RUVBL1: variants seen among roughly 807,000 people sequenced by gnomAD.
RUVBL1 encodes ruvB-like 1.
Under a neutral mutation model 52.4 loss-of-function variants are expected in RUVBL1, and 4 were observed. The observed-to-expected ratio is 0.08, with a 90% CI of 0.04 to 0.17. RUVBL1 has a LOEUF of 0.17. RUVBL1 is among the 10% of genes least tolerant of loss of function. RUVBL1 has a pLI of 1.00. For missense variants in RUVBL1, 298 were observed against 572.8 expected, an observed-to-expected ratio of 0.52 and a Z score of 4.90; for synonymous variants, 217 against 214.4, an observed-to-expected ratio of 1.01 and a Z score of -0.10.
At chr3:128,096,693 G>A (rs1942980820) in intron 8 of RUVBL1, among the ~76,000 whole-genome samples, 1 of 152,160 alleles carries the variant, frequency 6.6e-6, no homozygotes, top group Non-Finnish European at 1.5e-5. Flanking sequence ...CAGGCGTGGT[G>A]GTGGGCAACT....
Position 128,067,151 on chromosome 3 carries a change from G to T in RUVBL1, c.940-1931C>A. ...TGGTCAGCCTGCTGGGCACCTGGTC[G>T]GTAAGTAGGCTCTTTGAAGATGAGC... On this transcript the variant is annotated intron_variant, in intron 9 of 9. Transcript: ENST00000464873. The surrounding 1 kb of genome is among the most constrained non-coding windows in gnomAD (Gnocchi z 4.1). The T allele has an allele frequency of 1.2e-6, 2 of 1,614,018 alleles. No individual in the cohort carries two copies. The highest frequency in any genetic ancestry group is 1.7e-6 in the Non-Finnish European group (2 of 1,179,916).
At chr3:128,074,868 TA>T (rs955898803) in intron 9 of RUVBL1, among the ~76,000 whole-genome samples, 2 of 123,010 alleles carry the variant, frequency 1.6e-5, no homozygotes, top group African/African-American at 6.2e-5. Flanking sequence ...AAAAAAAACT[TA>T]AAAAACCATA....
chr3:128,133,416 TG>T (rs1028990792), intron 1 of RUVBL1, among the ~76,000 whole-genome samples: 4 of 152,246 alleles, frequency 2.6e-5, no homozygotes, highest in African/African-American at 4.8e-5. Context: ...AGCCAGGCAG[TG>T]GTCACCATGG....
chr3:128,077,135 G>A (rs1167082160), downstream of RUVBL1, among the ~76,000 whole-genome samples: 2 of 151,926 alleles, frequency 1.3e-5, no homozygotes, highest in South Asian at 4.1e-4. Context: ...ATCCGTCGCC[G>A]AGACGCGCGC....
chr3:128,119,737 A>G (rs1943601437), intron 1 of RUVBL1, among the ~76,000 whole-genome samples: 1 of 152,208 alleles, frequency 6.6e-6, no homozygotes, highest in Non-Finnish European at 1.5e-5. Context: ...ATGACATTTA[A>G]TTTGATATGT....
At chr3:128,142,459 G>A (rs888921710) in intron 1 of RUVBL1, among the ~76,000 whole-genome samples, 4 of 152,162 alleles carry the variant, frequency 2.6e-5, no homozygotes, top group Non-Finnish European at 4.4e-5. Flanking sequence ...CAATAAATAC[G>A]AACATAGATT....
At position 128,097,286 on chromosome 3, in the gene RUVBL1, G is replaced by A; in HGVS notation, c.1016+14C>T. The A allele has an allele frequency of 6.2e-7, 1 of 1,611,916 alleles. No homozygotes were observed. The highest frequency in any genetic ancestry group is 1.1e-5 in the South Asian group (1 of 90,898). On this transcript the variant is annotated intron_variant, in intron 8 of 10. Transcript: ENST00000322623. ...AGTTAAAAAAGCCTTGTGGCTGGCA[G>A]GCAGCCATCCTACCTGATGACACAG...
intron 3 of RUVBL1, among the ~76,000 whole-genome samples, chr3:128,107,292 C>G (rs886311579): frequency 6.6e-6 from 1 of 152,186 alleles, no homozygotes; most frequent in Non-Finnish European, 1.5e-5. Flanking sequence ...AATATTCCCC[C>G]CATGATTCCA....
upstream of RUVBL1, among the ~76,000 whole-genome samples, chr3:128,126,407 G>A (rs564348482): frequency 1.6e-4 from 24 of 152,264 alleles, no homozygotes; most frequent in African/African-American, 2.9e-4. Context: ...TTACCTGGGC[G>A]TGATGGCAGG....
chr3:128,104,533 T>G (rs1339542265), intron 4 of RUVBL1, among the ~76,000 whole-genome samples: 2 of 152,352 alleles, frequency 1.3e-5, no homozygotes, highest in Admixed American at 6.5e-5. Context: ...GCTCACATTT[T>G]AACATGCAGA....
intron 1 of RUVBL1, among the ~76,000 whole-genome samples, chr3:128,140,356 T>C (rs1027993110): frequency 7.1e-6 from 1 of 141,592 alleles, no homozygotes; most frequent in African/African-American, 2.7e-5. Context: ...GTGGGGCTGC[T>C]GGCTTTTAGA....
At chr3:128,125,883 G>A (rs1943782035), upstream of RUVBL1, among the ~76,000 whole-genome samples, 1 of 152,240 alleles carries the variant, frequency 6.6e-6, no homozygotes, top group Non-Finnish European at 1.5e-5. Flanking sequence ...AGTAGTCAAA[G>A]TGAGGCATTC....
At chr3:128,087,003 G>A (rs1942662400) in intron 9 of RUVBL1, among the ~76,000 whole-genome samples, 1 of 152,262 alleles carries the variant, frequency 6.6e-6, no homozygotes, top group Non-Finnish European at 1.5e-5. Context: ...TATATGATCA[G>A]TTTCACAAAC....
downstream of RUVBL1, among the ~76,000 whole-genome samples, chr3:128,080,230 T>A (rs1038200461): frequency 1.3e-5 from 2 of 152,220 alleles, no homozygotes; most frequent in Non-Finnish European, 2.9e-5. Flanking sequence ...CTGGCTCAAT[T>A]TGAGCAACAA....
chr3:128,088,129 G>A (rs1160775677), intron 8 of RUVBL1, among the ~76,000 whole-genome samples: 3 of 151,968 alleles, frequency 2.0e-5, no homozygotes, highest in African/African-American at 7.3e-5. Flanking sequence ...GGGCATGGTG[G>A]TGCACACCTG....
At chr3:128,130,177 G>A (rs1181161102) in intron 1 of RUVBL1, among the ~76,000 whole-genome samples, 1 of 151,830 alleles carries the variant, frequency 6.6e-6, no homozygotes, top group African/African-American at 2.4e-5. Flanking sequence ...CAAGAGAGAA[G>A]ACTAATGATA....
At chr3:128,130,902 G>A (rs1325525687) in intron 1 of RUVBL1, among the ~76,000 whole-genome samples, 3 of 151,762 alleles carry the variant, frequency 2.0e-5, no homozygotes, top group East Asian at 3.9e-4. Flanking sequence ...TGCCCACCTC[G>A]GCCTCCCAAA....
At chr3:128,129,893 G>A (rs2107727592) in intron 1 of RUVBL1, among the ~76,000 whole-genome samples, 1 of 152,300 alleles carries the variant, frequency 6.6e-6, no homozygotes, top group South Asian at 2.1e-4. Flanking sequence ...AATTGGTGCA[G>A]GGTTTCCATC....
At chr3:128,114,062 T>A (rs932633329) in intron 2 of RUVBL1, among the ~76,000 whole-genome samples, 14 of 152,314 alleles carry the variant, frequency 9.2e-5, no homozygotes, top group Admixed American at 5.9e-4. Context: ...AGCTGGCAAA[T>A]GCTAAACAGA....
Sources: allele counts gnomAD v4.1 joint callset (sites outside exome capture counted in the v4.1 genomes callset), GRCh38; gene constraint gnomAD v4.1.1; non-coding constraint Gnocchi (gnomAD v3.1); transcripts MANE v1.5; gene names NCBI Gene and HGNC (gene_info 2026-07-23, HGNC 2026-07-21).